KCTD15: variants seen among roughly 807,000 people sequenced by gnomAD.
KCTD15 encodes the protein BTB/POZ domain-containing protein KCTD15.
Under a neutral mutation model 27.2 loss-of-function variants are expected in KCTD15, and 11 were observed. The ratio of observed to expected loss-of-function variants is 0.41; its 90% CI spans 0.25 to 0.67. The LOEUF is 0.67. KCTD15 is among the 30% of genes least tolerant of loss of function. The pLI, the probability that KCTD15 is intolerant of heterozygous loss-of-function variation, is 0.35. For synonymous variants in KCTD15, 163 were observed against 176.0 expected, an observed-to-expected ratio of 0.93 and a Z score of 0.58; for missense variants, 350 against 409.3, an observed-to-expected ratio of 0.86 and a Z score of 1.25.
At chr19:33,799,705 C>G (rs1268199840) in intron 2 of KCTD15, 1 of 152,616 alleles carries the variant, frequency 6.6e-6, no homozygotes, top group Non-Finnish European at 1.5e-5. Flanking sequence ...TGGCCATCTC[C>G]TGATGCCTCG....
Position 33,808,038 on chromosome 19 carries a change from C to CCGGGTCT in KCTD15, c.387+1032_387+1033insGGGTCTC, listed in dbSNP as rs1975768920. Among the ~76,000 whole-genome samples the CCGGGTCT allele has an allele frequency of 2.0e-5, 3 of 152,358 alleles. No individual in the cohort carries two copies. In the South Asian group the frequency reaches 6.2e-4, roughly 32 times the overall value. On this transcript the variant is annotated intron_variant, in intron 5 of 6. Transcript: ENST00000683859. ...ATACCCTTTAAACAAAAGGTTAACC[C>CCGGGTCT]CCAGGTCTCCGGGTGAGCCCGTCAG...
chr19:33,813,627 G>C lies in KCTD15; in HGVS notation c.*679G>C, dbSNP rs1976004396. 2 of 328,270 alleles carry C rather than the reference G, an allele frequency of 6.1e-6. No individual in the cohort carries two copies. Among genetic ancestry groups the C allele is most frequent in the Non-Finnish European group, 6.0e-6 (1 of 166,896 alleles). 20.3% of individuals were successfully genotyped at this position (328,270 alleles called of 1,614,324 possible). A position where few individuals can be genotyped will look rare whatever the true frequency, so the allele number is the denominator to read the frequency against. ...GTAACCACCTGAGACCTTCACGTTT[G>C]CTGCCGTTGGGGGCTCAGGCTGCAC... On this transcript the variant is annotated 3_prime_UTR_variant, in exon 7 of 7. Coordinates refer to ENST00000683859, the MANE Select transcript of KCTD15 (RefSeq NM_001129994.2).
chr19:33,801,403 C>A, intron 4 of KCTD15, 61 bp downstream of exon 4: 1 of 1,444,264 alleles, frequency 6.9e-7, no homozygotes, highest in Non-Finnish European at 9.3e-7. Context: ...CTGTAATCTG[C>A]TGCCTAGGGG....
intron 5 of KCTD15, 46 bp downstream of exon 5, chr19:33,807,053 A>G: frequency 6.3e-7 from 1 of 1,595,590 alleles, no homozygotes; most frequent in East Asian, 2.2e-5. Flanking sequence ...GTGTGATGGC[A>G]TTACACAGGG....
At position 33,812,746 on chromosome 19, in the gene KCTD15, C is replaced by G. The variant is rs756338929; in HGVS notation, c.694-44C>G. On this transcript the variant is annotated intron_variant, in intron 6 of 6. Coordinates refer to ENST00000683859, the MANE Select transcript of KCTD15 (RefSeq NM_001129994.2). ...TCCCTGCCAGGCCAAGCCAGGTGTC[C>G]TCTTGCAGCTTGGCCTTGATGACCT... 4 of 1,404,842 alleles carry G rather than the reference C, an allele frequency of 2.8e-6. No homozygotes were observed. The African/African-American group carries it at 5.9e-5, about 21-fold the overall frequency. The allele number at this position is 1,404,842 out of a possible 1,614,324, so 87.0% of individuals were successfully genotyped here.
Position 33,812,614 on chromosome 19 carries a change from G to T in KCTD15, c.694-176G>T, listed in dbSNP as rs148924751. On this transcript the variant is annotated intron_variant, in intron 6 of 6. Coordinates refer to ENST00000683859, the MANE Select transcript of KCTD15 (RefSeq NM_001129994.2). ...TGGGCCTGGCCACTTCTGTCCCTCTGGTGGTGGAACCCAGCACGTGGTTCT... is the reference window on the plus strand; with the variant it reads ...TGGGCCTGGCCACTTCTGTCCCTCTTGTGGTGGAACCCAGCACGTGGTTCT... 275 of 1,295,112 alleles carry T rather than the reference G, an allele frequency of 2.1e-4. No individual in the cohort carries two copies. In the African/African-American group the frequency reaches 3.7e-3, roughly 17 times the overall value. 80.2% of individuals were successfully genotyped at this position (1,295,112 alleles called of 1,614,324 possible).
chr19:33,811,585 AC>A (rs74174692), intron 6 of KCTD15, 33 bp downstream of exon 6: 1 of 1,574,010 alleles, frequency 6.4e-7, no homozygotes, highest in Non-Finnish European at 8.6e-7. Flanking sequence ...TCCCCGCCGC[AC>A]CCCCGGCGTC....
In KCTD15 at chr19:33,813,076, C is replaced by A. The variant is rs146124913; in HGVS notation, c.*128C>A. ...GCTGGAGGGTCCAAAGCTGGCCCAG[C>A]GAGCACCAGGGTCCCAGGTGTCATG... On this transcript the variant is annotated 3_prime_UTR_variant, in exon 7 of 7. Transcript: ENST00000683859. 483 of 965,840 alleles carry A rather than the reference C, an allele frequency of 5.0e-4. 2 individuals carry two copies. The East Asian group carries it at 9.3e-3, about 19-fold the overall frequency. 59.8% of individuals were successfully genotyped at this position (965,840 alleles called of 1,614,324 possible). A position where few individuals can be genotyped will look rare whatever the true frequency, so the allele number is the denominator to read the frequency against.
At chr19:33,805,809 G>GGC (rs1235534640) in intron 4 of KCTD15, among the ~76,000 whole-genome samples, 2 of 152,214 alleles carry the variant, frequency 1.3e-5, no homozygotes, top group Non-Finnish European at 2.9e-5. Flanking sequence ...GGTCTGCCAG[G>GGC]GCAGTTGCCA....
At chr19:33,800,943 C>T (rs962529398) in intron 3 of KCTD15, among the ~76,000 whole-genome samples, 1 of 152,128 alleles carries the variant, frequency 6.6e-6, no homozygotes, top group Non-Finnish European at 1.5e-5. Context: ...TGCTAATAAG[C>T]ATCTTTCTTT....
chr19:33,811,784 C>A, intron 6 of KCTD15: 1 of 1,558,940 alleles, frequency 6.4e-7, no homozygotes, highest in Non-Finnish European at 8.7e-7. Flanking sequence ...TTTTTTTTTT[C>A]CAAAAGGATG....
Position 33,811,572 on chromosome 19 carries a change from C to G in KCTD15, c.693+20C>G, listed in dbSNP as rs763402397. On this transcript the variant is annotated intron_variant, in intron 6 of 6. Coordinates refer to ENST00000683859, the MANE Select transcript of KCTD15 (RefSeq NM_001129994.2). ...GTACAGGTGAGGGCTGCACGCTGCCCCCTCCCCGCCGCACCCCCGGCGTCC... is the reference window on the plus strand; with the variant it reads ...GTACAGGTGAGGGCTGCACGCTGCCGCCTCCCCGCCGCACCCCCGGCGTCC... 6.4e-6 allele frequency: 10 copies of G among 1,572,962 alleles called. No individual in the cohort carries two copies. In the Admixed American group the frequency reaches 8.6e-5, roughly 14 times the overall value.
At chr19:33,805,278 G>C (rs1318961848) in intron 4 of KCTD15, among the ~76,000 whole-genome samples, 1 of 152,198 alleles carries the variant, frequency 6.6e-6, no homozygotes, top group African/African-American at 2.4e-5. Context: ...TGTTCCCAGA[G>C]ACTCCATACC....
In KCTD15 at chr19:33,811,563, C is replaced by A; in HGVS notation, c.693+11C>A. 6.3e-7 allele frequency: 1 copy of A among 1,585,474 alleles called. No homozygotes were observed. Among genetic ancestry groups the A allele is most frequent in the Non-Finnish European group, 8.6e-7 (1 of 1,163,632 alleles). On this transcript the variant is annotated intron_variant, in intron 6 of 6. Coordinates refer to ENST00000683859, the MANE Select transcript of KCTD15 (RefSeq NM_001129994.2). ...CTCAACTCGGTACAGGTGAGGGCTGCACGCTGCCCCCTCCCCGCCGCACCC... is the reference window on the plus strand; with the variant it reads ...CTCAACTCGGTACAGGTGAGGGCTGAACGCTGCCCCCTCCCCGCCGCACCC...
chr19:33,805,787 A>G (rs1026722785), intron 4 of KCTD15, among the ~76,000 whole-genome samples: 9 of 152,124 alleles, frequency 5.9e-5, no homozygotes, highest in Admixed American at 4.6e-4. Flanking sequence ...AGTTATCCCT[A>G]GCTCGACCTG....
At chr19:33,809,967 C>T (rs1975838090) in intron 5 of KCTD15, among the ~76,000 whole-genome samples, 1 of 152,208 alleles carries the variant, frequency 6.6e-6, no homozygotes, top group Non-Finnish European at 1.5e-5. Flanking sequence ...GCAGGAGAGG[C>T]AGGATGGGCC....
chr19:33,811,299 T>C lies in KCTD15; in HGVS notation c.440T>C (p.Val147Ala). The change falls in exon 6 of 7, where the codon GTG becomes GCG. Residue 147 changes from valine to alanine, a missense_variant. Coordinates refer to ENST00000683859, the MANE Select transcript of KCTD15 (RefSeq NM_001129994.2). Reference protein sequence around the residue: ...EARYYQLQPMVRELERWQQEQ... With the variant: ...EARYYQLQPMARELERWQQEQ... ...CGCTACTATCAGCTCCAGCCCATGG[T>C]GCGCGAGCTGGAGCGCTGGCAGCAG... 1 of 1,546,946 alleles carries C rather than the reference T, an allele frequency of 6.5e-7. No homozygotes were observed. Among genetic ancestry groups the C allele is most frequent in the Non-Finnish European group, 8.7e-7 (1 of 1,145,636 alleles).
rs1975732559 is a variant in KCTD15 at position 33,807,006 on chromosome 19, A to G, written c.386A>G (p.Lys129Arg). ...TSKLLLPDDF[K>R]DFSLLYEEAR... ...AAGCTGCTGCTTCCGGATGACTTTAAGGTAAGTCCATGGCTGGTGGCCCCC... is the reference window on the plus strand; with the variant it reads ...AAGCTGCTGCTTCCGGATGACTTTAGGGTAAGTCCATGGCTGGTGGCCCCC... The change falls in exon 5 of 7, where the codon AAG (lysine) becomes AGG (arginine). Residue 129 changes from lysine to arginine, a missense_variant and splice_region_variant. Lys to Arg is a conservative substitution (Grantham distance 26, BLOSUM62 2). This residue lies in a region of KCTD15 where 219 missense variants were observed against 234.9 expected (regional missense o/e 0.93). Transcript: ENST00000683859. The G allele has an allele frequency of 1.2e-6, 2 of 1,613,738 alleles. No individual in the cohort carries two copies. Among genetic ancestry groups the G allele is most frequent in the South Asian group, 1.1e-5 (1 of 91,060 alleles).
intron 5 of KCTD15, among the ~76,000 whole-genome samples, chr19:33,810,696 A>G (rs1975869696): frequency 6.7e-6 from 1 of 150,190 alleles, no homozygotes; most frequent in South Asian, 2.1e-4. Context: ...AACAAAAAAA[A>G]ACGAAAAAAA....
Sources: allele counts gnomAD v4.1 joint callset (sites outside exome capture counted in the v4.1 genomes callset), GRCh38; gene constraint gnomAD v4.1.1; regional missense constraint gnomAD v4.1.1; transcripts MANE v1.5; gene names NCBI Gene and HGNC (gene_info 2026-07-23, HGNC 2026-07-21).